The following RAD51C variants were observed in gnomAD, a reference collection of about 807,000 sequenced individuals.
RAD51C encodes the protein RAD51 paralog C.
In RAD51C, 42 loss-of-function variants were observed where a neutral mutation model predicts 45.0. The observed-to-expected ratio is 0.93, with a 90% confidence interval of 0.73 to 1.21. RAD51C has a LOEUF of 1.21. RAD51C is among the 50% of genes most tolerant of loss of function. RAD51C has a pLI of 0.00. For synonymous variants in RAD51C, 172 were observed against 159.8 expected (o/e 1.08, Z -0.58); for missense variants, 474 against 452.2 (o/e 1.05, Z -0.44).
At chr17:58,732,320 T>G in intron 7 of RAD51C, 164 bp from the exon 8 acceptor site, 1 of 618,750 alleles carries the variant, frequency 1.6e-6, no homozygotes, top group Non-Finnish European at 2.8e-6. Context: ...ACGGGTAATT[T>G]GAAGGGTGTA....
rs1555605054 is a variant in RAD51C at position 58,732,491 on chromosome 17, A to T, written c.973A>T (p.Thr325Ser). Residue 325 changes from threonine to serine, a missense_variant, in exon 8 of 9, where the codon ACA becomes TCA. Physicochemically the swap from Thr to Ser is moderately conservative, Grantham distance 58. Coordinates refer to ENST00000337432, the MANE Select transcript of RAD51C (RefSeq NM_058216.3). ...TTCTTTTTCTTTAAGCAGGTTGGCA[A>T]CATTGTACAAGTCACCCAGCCAGAA... ...FHWDRKQRLA[T>S]LYKSPSQKEC... 2 of 1,613,040 alleles carry T rather than the reference A, an allele frequency of 1.2e-6. No individual in the cohort carries two copies. The highest frequency in any genetic ancestry group is 1.7e-6 in the Non-Finnish European group (2 of 1,179,172).
At chr17:58,709,825 G>T (rs375016739) in intron 4 of RAD51C, 34 bp from the exon 5 acceptor site, 3 of 1,566,692 alleles carry the variant, frequency 1.9e-6, no homozygotes, top group Non-Finnish European at 2.6e-6. Flanking sequence ...TTTATTTTTC[G>T]TAACAAATCT....
intron 1 of RAD51C, chr17:58,694,713 G>A (rs2047930371): frequency 3.7e-6 from 2 of 534,380 alleles, no homozygotes; most frequent in Non-Finnish European, 3.4e-6. Flanking sequence ...GACCTCAGGT[G>A]ATCTGGCTGC....
At chr17:58,699,386 G>A (rs2048133535) in intron 3 of RAD51C, among the ~76,000 whole-genome samples, 1 of 151,454 alleles carries the variant, frequency 6.6e-6, no homozygotes, top group Non-Finnish European at 1.5e-5. Context: ...TAAAAAAAAT[G>A]CTTTTCATAA....
intron 1 of RAD51C, chr17:58,693,699 A>G (rs940185020): frequency 6.6e-6 from 1 of 152,158 alleles, no homozygotes; most frequent in Non-Finnish European, 1.5e-5. Flanking sequence ...ACTACTTTAG[A>G]TGGTCTTGAT....
At chr17:58,703,408 A>T (rs899177307) in intron 4 of RAD51C, 79 bp downstream of exon 4, 1 of 1,470,680 alleles carries the variant, frequency 6.8e-7, no homozygotes, top group Non-Finnish European at 9.3e-7. Context: ...TAACCAGTAC[A>T]GTAGCATAAA....
At chr17:58,703,164 T>G (rs1227823151) in intron 3 of RAD51C, 32 bp from the exon 4 acceptor site, 2 of 1,605,104 alleles carry the variant, frequency 1.2e-6, no homozygotes, top group Non-Finnish European at 1.7e-6. Context: ...TCCAAACAGG[T>G]AAAACTAATT....
chr17:58,720,963 A>G (rs1321650626), intron 6 of RAD51C, 151 bp downstream of exon 6: 3 of 673,008 alleles, frequency 4.5e-6, no homozygotes, highest in Non-Finnish European at 7.7e-6. Context: ...GTACCGTTAG[A>G]TACTGATTGT....
intron 7 of RAD51C, among the ~76,000 whole-genome samples, chr17:58,728,986 C>T (rs1485961914): frequency 6.6e-6 from 1 of 152,094 alleles, no homozygotes; most frequent in Non-Finnish European, 1.5e-5. Context: ...TAAATCAACA[C>T]CCCCACACAG....
At position 58,735,384 on chromosome 17, in the gene RAD51C, A is replaced by G. The variant is rs2144070311; in HGVS notation, c.*1162A>G. The G allele has an allele frequency of 6.6e-6, 1 of 152,184 alleles. No individual in the cohort carries two copies. Among genetic ancestry groups the G allele is most frequent in the South Asian group, 2.1e-4 (1 of 4,808 alleles). 9.4% of individuals were successfully genotyped at this position (152,184 alleles called of 1,614,324 possible). A position where few individuals can be genotyped will look rare whatever the true frequency, so the allele number is the denominator to read the frequency against. On this transcript the variant is annotated 3_prime_UTR_variant, in exon 9 of 9. Transcript: ENST00000337432. Reference sequence around the variant, plus strand: ...CTAATTTTTGGATTTTTTTGTAGAGACAAGGTCTCACTATGTTGCCCAGGC... The same window carrying G: ...CTAATTTTTGGATTTTTTTGTAGAGGCAAGGTCTCACTATGTTGCCCAGGC...
Position 58,692,676 on chromosome 17 carries a change from G to A in RAD51C, c.33G>A (p.Gln11=), listed in dbSNP as rs748248444. 6.2e-7 allele frequency: 1 copy of A among 1,614,248 alleles called. No homozygotes were observed. Among genetic ancestry groups the A allele is most frequent in the Non-Finnish European group, 8.5e-7 (1 of 1,180,042 alleles). The stretch of plus-strand genomic sequence containing the variant: ...GGAAGACGTTCCGCTTTGAAATGCA[G>A]CGGGATTTGGTGAGTTTCCCGCTGT... MRGKTFRFEM[Q]RDLVSFPLSP... The change falls in exon 1 of 9, where the codon CAG becomes CAA. Residue 11 remains glutamine (Q), a synonymous_variant. Coordinates refer to ENST00000337432, the MANE Select transcript of RAD51C (RefSeq NM_058216.3).
At chr17:58,705,336 C>CTTT (rs768063806) in intron 4 of RAD51C, among the ~76,000 whole-genome samples, 29 of 144,444 alleles carry the variant, frequency 2.0e-4, no homozygotes, top group African/African-American at 6.9e-4. Context: ...GGTGTTTTTT[C>CTTT]TTTTTTTTGG....
intron 3 of RAD51C, among the ~76,000 whole-genome samples, chr17:58,702,235 A>G (rs1428059325): frequency 6.6e-6 from 1 of 152,152 alleles, no homozygotes; most frequent in South Asian, 2.1e-4. Flanking sequence ...TTGTAGTCCT[A>G]TAGAAAAAAG....
At chr17:58,697,540 T>TAAAA (rs34530914) in intron 3 of RAD51C, among the ~76,000 whole-genome samples, 1 of 103,970 alleles carries the variant, frequency 9.6e-6, no homozygotes, top group African/African-American at 3.5e-5. Flanking sequence ...CTCTGTCTCT[T>TAAAA]AAAAAAAAAA....
chr17:58,706,517 T>G (rs1210109651), intron 4 of RAD51C: 1 of 463,492 alleles, frequency 2.2e-6, no homozygotes, highest in Non-Finnish European at 4.5e-6. Context: ...ATCACCCTAC[T>G]GCTCTGTGGG....
intron 1 of RAD51C, chr17:58,693,923 A>G (rs544725852): frequency 1.6e-4 from 25 of 152,284 alleles, no homozygotes; most frequent in African/African-American, 5.8e-4. Flanking sequence ...TATTAGCCCC[A>G]TATTTATGGC....
At chr17:58,693,015 C>T (rs2047839026) in intron 1 of RAD51C, 1 of 587,946 alleles carries the variant, frequency 1.7e-6, no homozygotes, top group Non-Finnish European at 3.0e-6. Flanking sequence ...TCTGGCAATG[C>T]CTGCTGAATG....
chr17:58,710,029 C>T (rs34554840), intron 5 of RAD51C, 39 bp downstream of exon 5: 1 of 1,570,890 alleles, frequency 6.4e-7, no homozygotes, highest in Non-Finnish European at 8.8e-7. Flanking sequence ...ATAACAAAGT[C>T]AAGACTGTAT....
intron 5 of RAD51C, among the ~76,000 whole-genome samples, chr17:58,718,960 T>A (rs892773530): frequency 6.6e-6 from 1 of 152,096 alleles, no homozygotes; most frequent in African/African-American, 2.4e-5. Flanking sequence ...CAGTGACACA[T>A]GCTTATAATC....
Sources: gnomAD v4.1 joint callset for allele counts (sites outside exome capture counted in the v4.1 genomes callset) on GRCh38, gnomAD v4.1.1 for gene constraint, MANE v1.5 for transcripts, NCBI Gene and HGNC (gene_info 2026-07-23, HGNC 2026-07-21) for gene names.